MTRFR: variants seen among roughly 807,000 people sequenced by gnomAD.
The protein encoded by MTRFR is mitochondrial translation release factor in rescue.
A neutral mutation model predicts 11.9 loss-of-function variants in MTRFR; 10 were observed. The observed-to-expected ratio is 0.84, with a 90% CI of 0.52 to 1.42. The LOEUF (loss-of-function observed/expected upper bound fraction) is 1.42. Ranked by LOEUF, MTRFR falls within the 40% of genes most tolerant of loss-of-function variation. The pLI, the probability that MTRFR is intolerant of heterozygous loss-of-function variation, is 0.00. For missense variants in MTRFR, 196 were observed against 197.9 expected (o/e 0.99, Z 0.06); for synonymous variants, 77 against 79.1 (o/e 0.97, Z 0.14).
chr12:123,241,800 A>G (rs1042000834), intron 1 of MTRFR, among the ~76,000 whole-genome samples: 16 of 152,208 alleles, frequency 1.1e-4, no homozygotes, highest in African/African-American at 3.6e-4. Context: ...TGAACATGCC[A>G]TCCCTGCAGA....
At chr12:123,247,145 A>G (rs2048054344) in intron 1 of MTRFR, among the ~76,000 whole-genome samples, 1 of 152,132 alleles carries the variant, frequency 6.6e-6, no homozygotes, top group Admixed American at 6.5e-5. Flanking sequence ...GTTGGATGAA[A>G]TGTTCTATAT....
chr12:123,248,017 T>C (rs920835799), intron 1 of MTRFR, among the ~76,000 whole-genome samples: 3 of 151,670 alleles, frequency 2.0e-5, no homozygotes, highest in Admixed American at 1.3e-4. Context: ...ACTTTAGGGG[T>C]TTTTTGGTTT....
chr12:123,244,929 C>CTTTTTTTT (rs1170457743), intron 1 of MTRFR, among the ~76,000 whole-genome samples: 1 of 64,308 alleles, frequency 1.6e-5, no homozygotes, highest in Non-Finnish European at 3.0e-5. Context: ...CCGCACCCGG[C>CTTTTTTTT]ATTTTTTTTT....
At chr12:123,248,863 G>C (rs1004491070) in intron 1 of MTRFR, 8 of 152,214 alleles carry the variant, frequency 5.3e-5, no homozygotes, top group African/African-American at 1.9e-4. Flanking sequence ...ACAGGGTGCT[G>C]ATTGGTGCGT....
intron 1 of MTRFR, among the ~76,000 whole-genome samples, chr12:123,246,578 C>A (rs2048043592): frequency 6.6e-6 from 1 of 151,906 alleles, no homozygotes; most frequent in South Asian, 2.1e-4. Flanking sequence ...CTCAGTCTCC[C>A]AAGTAGCTGG....
At chr12:123,238,426 G>A (rs895321155) in intron 1 of MTRFR, among the ~76,000 whole-genome samples, 3 of 152,048 alleles carry the variant, frequency 2.0e-5, no homozygotes, top group Non-Finnish European at 2.9e-5. Context: ...GACGGAATAA[G>A]CAGGTAATCA....
chr12:123,245,670 G>A (rs374259656), intron 1 of MTRFR, among the ~76,000 whole-genome samples: 50 of 152,266 alleles, frequency 3.3e-4, no homozygotes, highest in African/African-American at 1.2e-3. Context: ...TGCAGCTATT[G>A]TAAAGGGGGT....
intron 1 of MTRFR, among the ~76,000 whole-genome samples, chr12:123,251,793 A>G (rs962696916): frequency 5.9e-5 from 9 of 152,204 alleles, no homozygotes; most frequent in African/African-American, 1.7e-4. Context: ...AAAATTCACA[A>G]TGCAAGCCTC....
intron 1 of MTRFR, chr12:123,248,915 T>A (rs1174247709): frequency 1.3e-5 from 2 of 152,184 alleles, no homozygotes; most frequent in Non-Finnish European, 2.9e-5. Context: ...ACTGGTGCAT[T>A]TACAATCCTT....
chr12:123,252,021 G>C (rs1028718348), intron 1 of MTRFR: 9 of 152,410 alleles, frequency 5.9e-5, no homozygotes, highest in Non-Finnish European at 1.0e-4. Flanking sequence ...TGTAGGCAGA[G>C]AGTCTAGGCC....
intron 2 of MTRFR, chr12:123,254,846 A>G (rs1006028515): frequency 1.3e-5 from 2 of 152,054 alleles, no homozygotes; most frequent in African/African-American, 4.8e-5. Context: ...AAGGCAGGAG[A>G]ATCGCTTGAA....
chr12:123,256,527 C>G (rs1326267597), intron 2 of MTRFR, among the ~76,000 whole-genome samples: 1 of 152,176 alleles, frequency 6.6e-6, no homozygotes, highest in African/African-American at 2.4e-5. Flanking sequence ...GAAACCCCAT[C>G]TCTACTAAAA....
Position 123,257,264 on chromosome 12 carries a change from C to G in MTRFR, c.*233C>G, listed in dbSNP as rs903960242. On this transcript the variant is annotated 3_prime_UTR_variant, in exon 3 of 3. Coordinates refer to ENST00000253233, the MANE Select transcript of MTRFR (RefSeq NM_152269.5). ...GGACGGTGCCTCACATCTGTAATCC[C>G]AGCACTTTGGGAGGCCGAGGCGGGC... The G allele has an allele frequency of 4.2e-6, 2 of 479,304 alleles. No individual in the cohort carries two copies. Among genetic ancestry groups the G allele is most frequent in the Admixed American group, 7.4e-5 (2 of 27,012 alleles). 29.7% of individuals were successfully genotyped at this position (479,304 alleles called of 1,614,324 possible).
intron 1 of MTRFR, among the ~76,000 whole-genome samples, chr12:123,243,651 G>T (rs1238928779): frequency 2.0e-5 from 3 of 152,082 alleles, no homozygotes; most frequent in Admixed American, 1.3e-4. Context: ...GTTGCAGGGA[G>T]CCGAGATCGC....
intron 1 of MTRFR, chr12:123,240,480 C>CT (rs1727415769): frequency 1.3e-5 from 2 of 152,060 alleles, no homozygotes; most frequent in Admixed American, 1.3e-4. Flanking sequence ...CTGGTGAGTA[C>CT]TTTAACAATC....
chr12:123,255,921 C>T (rs190977682), intron 2 of MTRFR, among the ~76,000 whole-genome samples: 1 of 152,274 alleles, frequency 6.6e-6, no homozygotes, highest in East Asian at 1.9e-4. Flanking sequence ...CCACCACGTC[C>T]GGCCATCCAA....
chr12:123,257,241 A>G lies in MTRFR; in HGVS notation c.*210A>G. 1 of 530,604 alleles carries G rather than the reference A, an allele frequency of 1.9e-6. No homozygotes were observed. Among genetic ancestry groups the G allele is most frequent in the East Asian group, 3.3e-5 (1 of 29,910 alleles). 32.9% of individuals were successfully genotyped at this position (530,604 alleles called of 1,614,324 possible). A position where few individuals can be genotyped will look rare whatever the true frequency, so the allele number is the denominator to read the frequency against. The stretch of plus-strand genomic sequence containing the variant: ...AATAAAACTCGGCTGGGCACGGTGG[A>G]CGGTGCCTCACATCTGTAATCCCAG... On this transcript the variant is annotated 3_prime_UTR_variant, in exon 3 of 3. Coordinates refer to ENST00000253233, the MANE Select transcript of MTRFR (RefSeq NM_152269.5).
rs1277038848 is a variant in MTRFR, at chr12:123,257,375, G to C, written c.*344G>C. The C allele has an allele frequency of 4.1e-6, 1 of 244,662 alleles. No homozygotes were observed. Among genetic ancestry groups the C allele is most frequent in the East Asian group, 1.1e-4 (1 of 9,064 alleles). The allele number at this position is 244,662 out of a possible 1,614,324, so 15.2% of individuals were successfully genotyped here. On this transcript the variant is annotated 3_prime_UTR_variant, in exon 3 of 3. Transcript: ENST00000253233. ...ACTAAAAATACAAAAAATTAGCCAG[G>C]CATGGTGGCGGGCACCTGTAATCCC...
At chr12:123,237,310 G>A (rs1034310937) in intron 1 of MTRFR, among the ~76,000 whole-genome samples, 4 of 152,122 alleles carry the variant, frequency 2.6e-5, no homozygotes, top group African/African-American at 9.7e-5. Flanking sequence ...GGTGCCTGTA[G>A]TCCCAGATAC....
Sources: allele counts gnomAD v4.1 joint callset (sites outside exome capture counted in the v4.1 genomes callset), GRCh38; gene constraint gnomAD v4.1.1; transcripts MANE v1.5; gene names NCBI Gene and HGNC (gene_info 2026-07-23, HGNC 2026-07-21).